Variants in SYNE1 observed in about 807,000 individuals in gnomAD.
The protein encoded by SYNE1 is spectrin repeat containing nuclear envelope protein 1, also known as nesprin-1.
SYNE1 carries 616 observed loss-of-function variants against 1,111.0 expected under a neutral mutation model. The ratio of observed to expected loss-of-function variants is 0.55; its 90% CI spans 0.52 to 0.59. SYNE1 has a LOEUF of 0.59. Ranked by LOEUF, SYNE1 falls within the 20% of genes least tolerant of loss-of-function variation. SYNE1 has a pLI of 0.00. For synonymous variants in SYNE1, 3,855 were observed against 3,825.8 expected (o/e 1.01, Z -0.28); for missense variants, 10,006 against 10,417.0 (o/e 0.96, Z 1.72).
intron 18 of SYNE1, among the ~76,000 whole-genome samples, chr6:152,464,415 G>A (rs2098752685): frequency 6.6e-6 from 1 of 152,110 alleles, no homozygotes; most frequent in Non-Finnish European, 1.5e-5. Flanking sequence ...ACATCCACTA[G>A]GGCACTGCCA....
At chr6:152,591,383 A>G (rs1260989650) in intron 3 of SYNE1, among the ~76,000 whole-genome samples, 3 of 152,212 alleles carry the variant, frequency 2.0e-5, no homozygotes, top group Admixed American at 6.5e-5. Context: ...GATCTTCAAC[A>G]AGGCTAACAA....
intron 129 of SYNE1, among the ~76,000 whole-genome samples, chr6:152,176,982 T>A (rs1460281331): frequency 6.6e-6 from 1 of 152,124 alleles, no homozygotes; most frequent in Non-Finnish European, 1.5e-5. Flanking sequence ...CACACACATA[T>A]ATATATGCAA....
chr6:152,391,589 AAAAAAG>A lies in SYNE1; in HGVS notation c.7713-27_7713-22del, dbSNP rs775095369. The A allele has an allele frequency of 7.3e-5, 114 of 1,557,948 alleles. No homozygotes were observed. In the African/African-American group the frequency reaches 1.2e-3, roughly 17 times the overall value. ...ACTCTCTGAAAAAAAGGAAAAAAAA[AAAAAAG>A]AAAAAAAATTAATTCTGACATCCTG... On this transcript the variant is annotated intron_variant, in intron 51 of 145. Transcript: ENST00000367255.
At chr6:152,603,679 C>A (rs77164947) in intron 3 of SYNE1, among the ~76,000 whole-genome samples, 13,935 of 151,166 alleles carry the variant, frequency 0.092, 699 homozygotes, top group Middle Eastern at 0.13. Context: ...ATCTAGAATA[C>A]ATATGTATAT....
At position 152,325,180 on chromosome 6, in the gene SYNE1, G is replaced by C; in HGVS notation, c.15561C>G (p.Thr5187=). 2 of 1,614,156 alleles carry C rather than the reference G, an allele frequency of 1.2e-6. No individual in the cohort carries two copies. The highest frequency in any genetic ancestry group is 1.7e-6 in the Non-Finnish European group (2 of 1,180,026). ...GAAGGCGTGTCCAGCGCTGCCAGAC[G>C]GTGGTCATTGACCTGCTCAGGGTGG... The part of the protein sequence containing the change: ...SKATLSRSMT[T]VWQRWTRLRA... The change falls in exon 81 of 146, where the codon ACC becomes ACG. Residue 5187 remains threonine (T), a synonymous_variant. Transcript: ENST00000367255.
intron 34 of SYNE1, among the ~76,000 whole-genome samples, chr6:152,433,360 T>C (rs1393027180): frequency 2.6e-5 from 4 of 152,150 alleles, no homozygotes; most frequent in Admixed American, 6.5e-5. Flanking sequence ...TTAAGAAAGA[T>C]GCTTTTCAAA....
At chr6:152,532,854 G>A (rs2099211262) in intron 4 of SYNE1, among the ~76,000 whole-genome samples, 2 of 152,086 alleles carry the variant, frequency 1.3e-5, no homozygotes, top group South Asian at 4.1e-4. Context: ...ATGCTCTGAT[G>A]ATTATCTTCT....
At chr6:152,450,345 A>T (rs2098637300) in intron 27 of SYNE1, among the ~76,000 whole-genome samples, 1 of 152,194 alleles carries the variant, frequency 6.6e-6, no homozygotes, top group South Asian at 2.1e-4. Context: ...AGTCTCAGGT[A>T]TGTCTTTATT....
intron 75 of SYNE1, among the ~76,000 whole-genome samples, chr6:152,338,448 C>T (rs2096455918): frequency 6.6e-6 from 1 of 151,958 alleles, no homozygotes; most frequent in Admixed American, 6.6e-5. Flanking sequence ...ACAGCGAAGC[C>T]CTGTCTCTAC....
At chr6:152,548,902 C>A (rs2099327465) in intron 3 of SYNE1, among the ~76,000 whole-genome samples, 1 of 152,216 alleles carries the variant, frequency 6.6e-6, no homozygotes, top group Admixed American at 6.5e-5. Context: ...TCATCTGATT[C>A]TAGGCCTTAA....
chr6:152,218,129 T>A, intron 121 of SYNE1, 128 bp downstream of exon 121: 1 of 1,074,224 alleles, frequency 9.3e-7, no homozygotes, highest in Non-Finnish European at 1.4e-6. Context: ...AAAGCAGAGG[T>A]TGCAGTGAGC....
chr6:152,607,092 C>A (rs1316130820), intron 3 of SYNE1, among the ~76,000 whole-genome samples: 1 of 144,418 alleles, frequency 6.9e-6, no homozygotes, highest in Non-Finnish European at 1.5e-5. Flanking sequence ...TCACGCCATT[C>A]TCCTGCCTCA....
At chr6:152,164,115 G>A (rs187732520) in intron 131 of SYNE1, 48 bp downstream of exon 131, 1 of 1,611,216 alleles carries the variant, frequency 6.2e-7, no homozygotes, top group African/African-American at 1.3e-5. Flanking sequence ...TGGCCAGGAG[G>A]ACAGATATTC....
Position 152,301,927 on chromosome 6 carries a change from G to T in SYNE1, c.17483C>A (p.Thr5828Lys), listed in dbSNP as rs150376715. The T allele has an allele frequency of 4.3e-6, 7 of 1,614,024 alleles. No homozygotes were observed. The highest frequency in any genetic ancestry group is 5.9e-6 in the Non-Finnish European group (7 of 1,180,042). Residue 5828 changes from threonine (T) to lysine (K), a missense_variant, in exon 92 of 146, where the codon ACA (threonine) becomes AAA (lysine). By Grantham distance (78) the Thr-to-Lys change is moderately conservative. Around this residue, in one of 7 missense-constraint regions of SYNE1, gnomAD observed 4,955 missense variants for 5,017.2 expected, o/e 0.99. Transcript: ENST00000367255. ...GAGGAGCTCCCCATCCAGGTCCTCT[G>T]TCCCTTCCGCCAGCCCCTCGACCTC... Reference protein sequence around the residue: ...VTEVEGLAEGTEDLDGELLPT... With the variant: ...VTEVEGLAEGKEDLDGELLPT...
At chr6:152,355,116 A>G in intron 66 of SYNE1, 140 bp from the exon 67 acceptor site, 4 of 888,526 alleles carry the variant, frequency 4.5e-6, no homozygotes, top group South Asian at 1.5e-5. Context: ...CTATACAAAA[A>G]TATGTCCCTA....
chr6:152,343,052 A>G (rs7747005), intron 74 of SYNE1, among the ~76,000 whole-genome samples: 94,116 of 151,924 alleles, frequency 0.62, 29,293 homozygotes, highest in African/African-American at 0.67. Context: ...AACTATCTCG[A>G]AGGCTTGGAG....
chr6:152,490,184 A>G (rs2098962779), intron 11 of SYNE1, among the ~76,000 whole-genome samples: 1 of 152,222 alleles, frequency 6.6e-6, no homozygotes, highest in Non-Finnish European at 1.5e-5. Context: ...TATTATACAT[A>G]ATCTACAGAT....
Position 152,380,880 on chromosome 6 carries a change from T to A in SYNE1, c.9009+126A>T, listed in dbSNP as rs373170978. ...ATCAGACTTTGCTTATTTAATGAGA[T>A]AAATACTTCTTCCAAGTGTGCATGT... On this transcript the variant is annotated intron_variant, in intron 56 of 145. Coordinates refer to ENST00000367255, the MANE Select transcript of SYNE1 (RefSeq NM_182961.4). 3.3e-6 allele frequency: 3 copies of A among 908,762 alleles called. No homozygotes were observed. In the African/African-American group the frequency reaches 5.0e-5, roughly 15 times the overall value. The allele number at this position is 908,762 out of a possible 1,614,324, so 56.3% of individuals were successfully genotyped here.
chr6:152,473,531 A>G (rs1209020197), intron 14 of SYNE1, among the ~76,000 whole-genome samples: 4 of 152,214 alleles, frequency 2.6e-5, no homozygotes, highest in Non-Finnish European at 5.9e-5. Flanking sequence ...ATATTTTGCT[A>G]TGATCACATT....
Sources: gnomAD v4.1 joint callset for allele counts (sites outside exome capture counted in the v4.1 genomes callset) on GRCh38, gnomAD v4.1.1 for gene constraint, gnomAD v4.1.1 regional missense constraint, MANE v1.5 for transcripts, NCBI Gene and HGNC (gene_info 2026-07-23, HGNC 2026-07-21) for gene names.